Variants in STXBP5L observed in about 807,000 individuals in gnomAD.
STXBP5L encodes the protein syntaxin-binding protein 5-like.
A neutral mutation model predicts 144.5 loss-of-function variants in STXBP5L; 65 were observed. That is an observed-to-expected ratio of 0.45 (90% CI 0.37 to 0.55). STXBP5L has a LOEUF of 0.55. Among genes scored for constraint, STXBP5L ranks in the 20% least tolerant of loss-of-function variants. The pLI is 0.00. For missense variants in STXBP5L, 1,298 were observed against 1,405.5 expected (o/e 0.92, Z 1.22); for synonymous variants, 505 against 469.6 (o/e 1.08, Z -0.97).
chr3:121,393,933 T>C (rs1283837952), intron 22 of STXBP5L, among the ~76,000 whole-genome samples: 1 of 152,186 alleles, frequency 6.6e-6, no homozygotes, highest in African/African-American at 2.4e-5. Flanking sequence ...CCATATGAAT[T>C]TTAGAATTAT....
At chr3:121,154,145 C>T (rs2046035535) in intron 8 of STXBP5L, among the ~76,000 whole-genome samples, 2 of 151,638 alleles carry the variant, frequency 1.3e-5, no homozygotes, top group Admixed American at 1.3e-4. Context: ...TTTGCAGCTG[C>T]CTTAGTACAA....
At chr3:121,409,192 G>T (rs1006959141) in intron 23 of STXBP5L, among the ~76,000 whole-genome samples, 2 of 151,868 alleles carry the variant, frequency 1.3e-5, no homozygotes, top group Admixed American at 1.3e-4. Flanking sequence ...ACAAGAAATT[G>T]ACTGAGCTGA....
At chr3:121,059,924 C>T (rs1576816477) in intron 5 of STXBP5L, among the ~76,000 whole-genome samples, 1 of 152,178 alleles carries the variant, frequency 6.6e-6, no homozygotes, top group Non-Finnish European at 1.5e-5. Flanking sequence ...CAAACAAAGA[C>T]AATTTGATTT....
At chr3:120,976,474 G>T (rs764716829) in intron 3 of STXBP5L, among the ~76,000 whole-genome samples, 4 of 151,992 alleles carry the variant, frequency 2.6e-5, no homozygotes, top group Non-Finnish European at 5.9e-5. Context: ...TATCAATTTT[G>T]TTGATCATTT....
chr3:121,157,753 C>A (rs2046173222), intron 9 of STXBP5L, 126 bp downstream of exon 9: 1 of 1,240,474 alleles, frequency 8.1e-7, no homozygotes, highest in Non-Finnish European at 1.1e-6. Flanking sequence ...TTCTAAACAT[C>A]CCTTTTATAC....
At chr3:120,929,916 C>T (rs945618314) in intron 2 of STXBP5L, among the ~76,000 whole-genome samples, 2 of 151,642 alleles carry the variant, frequency 1.3e-5, no homozygotes, top group Non-Finnish European at 2.9e-5. Context: ...TTCATATCCC[C>T]TTTCTTCCTA....
At chr3:121,139,909 G>T (rs1308273750) in intron 7 of STXBP5L, among the ~76,000 whole-genome samples, 2 of 151,922 alleles carry the variant, frequency 1.3e-5, no homozygotes, top group Admixed American at 1.3e-4. Context: ...GAAAATATTT[G>T]TCAACTATAC....
intron 9 of STXBP5L, among the ~76,000 whole-genome samples, chr3:121,175,628 A>G (rs1253853106): frequency 2.6e-5 from 4 of 152,128 alleles, no homozygotes; most frequent in African/African-American, 4.8e-5. Context: ...AAAATGCTCA[A>G]TTAAACCCAT....
chr3:121,263,172 A>G (rs1220124775), intron 18 of STXBP5L, among the ~76,000 whole-genome samples: 1 of 152,248 alleles, frequency 6.6e-6, no homozygotes, highest in Non-Finnish European at 1.5e-5. Flanking sequence ...ATACCCAGGC[A>G]AACAGGTTCT....
At chr3:120,924,071 C>T (rs553364563) in intron 2 of STXBP5L, among the ~76,000 whole-genome samples, 1 of 152,120 alleles carries the variant, frequency 6.6e-6, no homozygotes, top group Non-Finnish European at 1.5e-5. Context: ...TCTTTTCTAT[C>T]TTTCTCAAAT....
At chr3:121,356,552 C>T (rs897975221) in intron 20 of STXBP5L, among the ~76,000 whole-genome samples, 4 of 152,202 alleles carry the variant, frequency 2.6e-5, no homozygotes, top group African/African-American at 9.7e-5. Flanking sequence ...GGGAAAAGTA[C>T]AGTATTTGGG....
intron 7 of STXBP5L, among the ~76,000 whole-genome samples, chr3:121,121,906 G>T (rs1010499573): frequency 1.8e-4 from 27 of 150,934 alleles, no homozygotes; most frequent in African/African-American, 6.3e-4. Context: ...TAAGTCTTTA[G>T]CTTTACTGAG....
In STXBP5L at chr3:120,965,189, G is replaced by T. The variant is rs546562549; in HGVS notation, c.287+10152G>T. 3.9e-5 allele frequency among the ~76,000 whole-genome samples: 6 copies of T among 152,108 alleles called. No homozygotes were observed. In the South Asian group the frequency reaches 1.0e-3, roughly 26 times the overall value. ...TATGTGTGTCTTTGCATATGAGATG[G>T]GTTTCCTGAATACAGCACACTGATG... On this transcript the variant is annotated intron_variant, in intron 3 of 26. Transcript: ENST00000471454.
chr3:121,127,283 C>A (rs2044752574), intron 7 of STXBP5L, among the ~76,000 whole-genome samples: 1 of 151,970 alleles, frequency 6.6e-6, no homozygotes, highest in Admixed American at 6.6e-5. Context: ...AAGAGTATGA[C>A]CTTTGTATAT....
rs190504080 is a variant in STXBP5L at position 121,182,584 on chromosome 3, C to G, written c.878-23339C>G. ...TCAAAAAGTCTGAAAGAGCACATCTCAAGGAACTAGAGAAACAAGAACAAA... is the reference window on the plus strand; with the variant it reads ...TCAAAAAGTCTGAAAGAGCACATCTGAAGGAACTAGAGAAACAAGAACAAA... On this transcript the variant is annotated intron_variant, in intron 9 of 26. Coordinates refer to ENST00000471454, the MANE Select transcript of STXBP5L (RefSeq NM_001308330.2). 6.9e-4 allele frequency among the ~76,000 whole-genome samples: 105 copies of G among 152,090 alleles called. No individual in the cohort carries two copies. The East Asian group carries it at 0.018, about 26-fold the overall frequency.
intron 3 of STXBP5L, among the ~76,000 whole-genome samples, chr3:120,996,940 CT>C (rs1943397741): frequency 6.6e-6 from 1 of 152,068 alleles, no homozygotes; most frequent in African/African-American, 2.4e-5. Context: ...TTTTTCAATC[CT>C]TATCCTCCTT....
intron 3 of STXBP5L, among the ~76,000 whole-genome samples, chr3:121,018,395 A>T (rs1368138951): frequency 2.0e-5 from 3 of 152,208 alleles, no homozygotes; most frequent in Non-Finnish European, 4.4e-5. Context: ...GATACAAAAT[A>T]GGTAACACCA....
chr3:121,006,711 G>A (rs1009442725), intron 3 of STXBP5L, among the ~76,000 whole-genome samples: 4 of 152,082 alleles, frequency 2.6e-5, no homozygotes, highest in Non-Finnish European at 5.9e-5. Context: ...TCTATGTTTA[G>A]TGCCTCCTTC....
rs1158672351 is a variant in STXBP5L, at chr3:121,254,940, A to G, written c.1487A>G (p.Glu496Gly). 4 of 1,613,436 alleles carry G rather than the reference A, an allele frequency of 2.5e-6. No individual in the cohort carries two copies. Among genetic ancestry groups the G allele is most frequent in the Non-Finnish European group, 3.4e-6 (4 of 1,179,676 alleles). Residue 496 changes from glutamate to glycine, a missense_variant, in exon 16 of 27, where the codon GAA becomes GGA. Physicochemically the swap from Glu to Gly is moderately conservative, Grantham distance 98. Transcript: ENST00000471454. ...AAGCTAAAAACTTCAAAAGTGTTTG[A>G]AAAACAGAAGGTAGGAGAAGGAAAA... ...LYKLKTSKVF[E>G]KQKVGEGKQT...
Sources: gnomAD v4.1 joint callset for allele counts (sites outside exome capture counted in the v4.1 genomes callset) on GRCh38, gnomAD v4.1.1 for gene constraint, MANE v1.5 for transcripts, NCBI Gene and HGNC (gene_info 2026-07-23, HGNC 2026-07-21) for gene names.